The following KAZN variants were observed in gnomAD, a reference collection of about 807,000 sequenced individuals.
KAZN encodes kazrin, periplakin interacting protein, also known as kazrin.
Under a neutral mutation model 87.4 loss-of-function variants are expected in KAZN, and 40 were observed. The ratio of observed to expected loss-of-function variants is 0.46; its 90% CI spans 0.36 to 0.60. KAZN has a LOEUF of 0.60. KAZN is among the 20% of genes least tolerant of loss of function. The probability of loss-of-function intolerance (pLI) is 0.00; values close to 1 mark genes in which losing one functional copy is unlikely to be tolerated. For missense variants in KAZN, 898 were observed against 1,073.9 expected (o/e 0.84, Z 2.29); for synonymous variants, 466 against 458.3 (o/e 1.02, Z -0.22).
chr1:14,092,531 G>T, intron 1 of KAZN, among the ~76,000 whole-genome samples: 1 of 146,874 alleles, frequency 6.8e-6, no homozygotes. Flanking sequence ...GTGTGTAGGG[G>T]TATGTATGTA....
At chr1:14,648,022 C>T (rs1680939259) in intron 1 of KAZN, among the ~76,000 whole-genome samples, 1 of 152,172 alleles carries the variant, frequency 6.6e-6, no homozygotes, top group Non-Finnish European at 1.5e-5. Context: ...TCCCTTCTCT[C>T]CACTGTTGAA....
intron 2 of KAZN, among the ~76,000 whole-genome samples, chr1:14,337,271 A>T (rs1657337191): frequency 6.6e-6 from 1 of 152,296 alleles, no homozygotes; most frequent in Admixed American, 6.5e-5. Flanking sequence ...GTTCTCTGTC[A>T]AGAGTAACCC....
At position 14,735,599 on chromosome 1, in the gene KAZN, C is replaced by T. The variant is rs540541793; in HGVS notation, c.226+136376C>T. On this transcript the variant is annotated intron_variant, in intron 1 of 14. Coordinates refer to ENST00000376030, the MANE Select transcript of KAZN (RefSeq NM_201628.3). The surrounding 1 kb of genome is among the most constrained non-coding windows in gnomAD (Gnocchi z 4.3). ...GCCGTTTTCACATGGCAGCCCCCCA[C>T]GCTGAGATCCATATACCCAAACATC... 2.0e-5 allele frequency among the ~76,000 whole-genome samples: 3 copies of T among 152,284 alleles called. No individual in the cohort carries two copies. Among genetic ancestry groups the T allele is most frequent in the South Asian group, 4.2e-4 (2 of 4,808 alleles).
chr1:14,167,791 G>A (rs1452441901), intron 1 of KAZN, among the ~76,000 whole-genome samples: 1 of 152,100 alleles, frequency 6.6e-6, no homozygotes, highest in Admixed American at 6.6e-5. Context: ...GGAAGGGCAG[G>A]GAGCAAGGAA....
chr1:14,540,404 G>A (rs1327667786), intron 2 of KAZN, among the ~76,000 whole-genome samples: 2 of 152,192 alleles, frequency 1.3e-5, no homozygotes, highest in African/African-American at 4.8e-5. Flanking sequence ...GCGGGGTTAA[G>A]CAGGCTGCCT....
At chr1:15,011,937 T>G (rs1344375620) in intron 2 of KAZN, among the ~76,000 whole-genome samples, 1 of 152,096 alleles carries the variant, frequency 6.6e-6, no homozygotes, top group Non-Finnish European at 1.5e-5. Flanking sequence ...GTGAATGAGT[T>G]TGCTCCTCCC....
chr1:13,998,028 T>G lies in KAZN; in HGVS notation c.91+104272T>G, dbSNP rs375629799. Among the ~76,000 whole-genome samples, 9 of 152,268 alleles carry G rather than the reference T, an allele frequency of 5.9e-5. No homozygotes were observed. In the East Asian group the frequency reaches 1.5e-3, roughly 26 times the overall value. ...AGCTCATTAGACTAACAGCAGACCT[T>G]TCAGGAGAAACTCTGCAAGTCAGAA... On this transcript the variant is annotated intron_variant, in intron 1 of 16. Coordinates refer to the KAZN transcript ENST00000636203.
intron 1 of KAZN, among the ~76,000 whole-genome samples, chr1:14,617,262 A>G (rs1190422312): frequency 6.6e-6 from 1 of 152,250 alleles, no homozygotes; most frequent in East Asian, 1.9e-4. Flanking sequence ...AAATAAAGTG[A>G]GTCACACAAA....
intron 2 of KAZN, among the ~76,000 whole-genome samples, chr1:14,216,230 C>A (rs1318822248): frequency 6.6e-6 from 1 of 152,156 alleles, no homozygotes; most frequent in African/African-American, 2.4e-5. Context: ...GCCTCAGGAT[C>A]CCCAAATGTC....
chr1:15,112,474 G>T lies in KAZN; in HGVS notation c.2096G>T (p.Arg699Met). The T allele has an allele frequency of 1.2e-6, 2 of 1,606,450 alleles. No homozygotes were observed. The highest frequency in any genetic ancestry group is 8.5e-7 in the Non-Finnish European group (1 of 1,177,370). ...EAERFGTPPG[R>M]ASSVTRAGKE... The stretch of plus-strand genomic sequence containing the variant: ...GAGCGTTTTGGAACGCCCCCTGGCA[G>T]GGCCTCCAGCGTCACGCGGGCAGGA... Residue 699 changes from arginine to methionine, a missense_variant, in exon 14 of 15, where the codon AGG (arginine) becomes ATG (methionine). Physicochemically the swap from Arg to Met is moderately conservative, Grantham distance 91 (BLOSUM62 -1). This residue lies in a region of KAZN where 127 missense variants were observed against 121.5 expected (regional missense o/e 1.04). Transcript: ENST00000376030.
intron 2 of KAZN, among the ~76,000 whole-genome samples, chr1:14,982,727 C>T (rs777359315): frequency 3.3e-5 from 5 of 152,148 alleles, no homozygotes; most frequent in Non-Finnish European, 5.9e-5. Context: ...GCCTGGCCAG[C>T]ACCTGAGATC....
chr1:14,062,708 A>G (rs371105004), intron 1 of KAZN, among the ~76,000 whole-genome samples: 22 of 152,124 alleles, frequency 1.4e-4, no homozygotes, highest in African/African-American at 5.1e-4. Flanking sequence ...GAGAATCAAT[A>G]ATCAAATGAC....
chr1:14,527,289 G>A (rs559160528), intron 2 of KAZN, among the ~76,000 whole-genome samples: 4 of 152,284 alleles, frequency 2.6e-5, no homozygotes, highest in African/African-American at 7.2e-5. Context: ...TGTGGCTTAC[G>A]CCTGTAATCC....
chr1:14,794,500 G>A (rs1394115296), intron 1 of KAZN, among the ~76,000 whole-genome samples: 1 of 152,204 alleles, frequency 6.6e-6, no homozygotes, highest in Non-Finnish European at 1.5e-5. Flanking sequence ...GCTGGTAAGT[G>A]TTGAACAACC....
intron 2 of KAZN, among the ~76,000 whole-genome samples, chr1:14,976,307 T>C (rs1458641766): frequency 1.3e-5 from 2 of 152,192 alleles, no homozygotes; most frequent in African/African-American, 2.4e-5. Flanking sequence ...TAGCTGGGAC[T>C]ACTCAGAACA....
intron 1 of KAZN, among the ~76,000 whole-genome samples, chr1:14,842,210 C>T (rs907633231): frequency 4.6e-5 from 7 of 152,216 alleles, no homozygotes; most frequent in African/African-American, 1.7e-4. Context: ...CTCTTTTATA[C>T]CCAGCACTTT....
rs376476157 is a variant in KAZN, at chr1:14,514,501, A to T, written c.250-84482A>T. ...TTTATATAAATATTTATATATGTAA[A>T]ATATATAATATATGAAATATATATT... On this transcript the variant is annotated intron_variant, in intron 2 of 16. Coordinates refer to the KAZN transcript ENST00000636203. Among the ~76,000 whole-genome samples the T allele has an allele frequency of 2.9e-4, 2 of 6,822 alleles. 1 individual carries two copies. The highest frequency in any genetic ancestry group is 7.2e-4 in the Non-Finnish European group (2 of 2,776). The allele number at this position is 6,822 out of a possible 152,430, so 4.5% of individuals were successfully genotyped here.
chr1:14,290,076 G>A lies in KAZN; in HGVS notation c.249+109484G>A, dbSNP rs151002879. On this transcript the variant is annotated intron_variant, in intron 2 of 16. Transcript: ENST00000636203. Reference sequence around the variant, plus strand: ...TAGTCTGATGGGCTTCCCTTTGTGGGTAACCCGACCTTTCTCTCTGGCTGC... The same window carrying A: ...TAGTCTGATGGGCTTCCCTTTGTGGATAACCCGACCTTTCTCTCTGGCTGC... 5.8e-3 allele frequency among the ~76,000 whole-genome samples: 878 copies of A among 152,260 alleles called. 4 individuals carry two copies. Among genetic ancestry groups the A allele is most frequent in the Non-Finnish European group, 8.3e-3 (567 of 68,016 alleles).
intron 1 of KAZN, among the ~76,000 whole-genome samples, chr1:14,625,105 C>G (rs12085951): frequency 3.3e-5 from 5 of 151,966 alleles, no homozygotes; most frequent in African/African-American, 1.2e-4. Context: ...AGGGTCCCCC[C>G]CGACACCGCG....
Sources: gnomAD v4.1 joint callset for allele counts (sites outside exome capture counted in the v4.1 genomes callset) on GRCh38, gnomAD v4.1.1 for gene constraint, gnomAD v4.1.1 regional missense constraint, Gnocchi (gnomAD v3.1) non-coding constraint, MANE v1.5 for transcripts, NCBI Gene and HGNC (gene_info 2026-07-23, HGNC 2026-07-21) for gene names.